The following PHACTR1 variants were observed in gnomAD, a reference collection of about 807,000 sequenced individuals.
PHACTR1 encodes the protein phosphatase and actin regulator 1.
Under a neutral mutation model 69.2 loss-of-function variants are expected in PHACTR1, and 16 were observed. The observed-to-expected ratio is 0.23, with a 90% CI of 0.16 to 0.35. The LOEUF (loss-of-function observed/expected upper bound fraction) is 0.35. Among genes scored for constraint, PHACTR1 ranks in the 10% least tolerant of loss-of-function variants. PHACTR1 has a pLI of 1.00. For synonymous variants in PHACTR1, 312 were observed against 284.5 expected (o/e 1.10, Z -0.97); for missense variants, 510 against 734.7 (o/e 0.69, Z 3.54).
In PHACTR1 at chr6:13,261,493, T is replaced by A. The variant is rs181075138; in HGVS notation, c.1392-11367T>A. Among the ~76,000 whole-genome samples, 599 of 152,210 alleles carry A rather than the reference T, an allele frequency of 3.9e-3. 7 individuals carry two copies. The highest frequency in any genetic ancestry group is 4.3e-3 in the East Asian group (22 of 5,176). On this transcript the variant is annotated intron_variant, in intron 10 of 14. Transcript: ENST00000332995. ...CCTTGTTCAAAAGATAAAAAAATAT[T>A]GAAAAGTTTGAAATGGCAACAGAGC...
intron 7 of PHACTR1, among the ~76,000 whole-genome samples, chr6:13,205,270 G>A (rs911022201): frequency 2.6e-5 from 4 of 152,162 alleles, no homozygotes; most frequent in Non-Finnish European, 4.4e-5. Context: ...TCCTGGGAGA[G>A]CTCGAACTCG....
intron 10 of PHACTR1, 83 bp downstream of exon 10, chr6:13,230,276 G>A (rs1180126680): frequency 6.5e-7 from 1 of 1,546,816 alleles, no homozygotes. Flanking sequence ...TCTCGGCCGG[G>A]CGCAGTAGCT....
At chr6:13,176,330 A>G (rs1460348111) in intron 6 of PHACTR1, among the ~76,000 whole-genome samples, 1 of 152,138 alleles carries the variant, frequency 6.6e-6, no homozygotes, top group Non-Finnish European at 1.5e-5. Context: ...ACTGTCCTCC[A>G]TTCCTGCTTT....
chr6:13,101,770 A>G (rs757138355), intron 5 of PHACTR1, among the ~76,000 whole-genome samples: 4 of 152,180 alleles, frequency 2.6e-5, no homozygotes, highest in Admixed American at 2.6e-4. Flanking sequence ...GATTTCTGAA[A>G]AGACAAAGAG....
chr6:12,720,708 T>C (rs1245767826), intron 3 of PHACTR1, among the ~76,000 whole-genome samples: 1 of 152,256 alleles, frequency 6.6e-6, no homozygotes, highest in African/African-American at 2.4e-5. Flanking sequence ...GGTCAGTGTT[T>C]CAAAACCCCC....
intron 5 of PHACTR1, among the ~76,000 whole-genome samples, chr6:13,081,669 A>G (rs1397334173): frequency 6.6e-6 from 1 of 152,084 alleles, no homozygotes; most frequent in Non-Finnish European, 1.5e-5. Context: ...ACAAAAAAAA[A>G]TTAATTAATT....
At chr6:12,994,053 C>T (rs565217701) in intron 4 of PHACTR1, among the ~76,000 whole-genome samples, 39 of 151,838 alleles carry the variant, frequency 2.6e-4, no homozygotes, top group African/African-American at 9.4e-4. Flanking sequence ...TAAATAGGAG[C>T]CACAGTGAAA....
chr6:12,819,273 G>C (rs1257462977), intron 4 of PHACTR1, among the ~76,000 whole-genome samples: 1 of 152,152 alleles, frequency 6.6e-6, no homozygotes, highest in Non-Finnish European at 1.5e-5. Flanking sequence ...ATTTTGAAAG[G>C]AAAATTCTCT....
chr6:13,207,460 C>G (rs1218663916), intron 8 of PHACTR1, among the ~76,000 whole-genome samples: 1 of 152,188 alleles, frequency 6.6e-6, no homozygotes, highest in Non-Finnish European at 1.5e-5. Flanking sequence ...CCTCCAGTCG[C>G]TCTTCGGGGA....
chr6:13,177,177 A>T (rs1761448163), intron 6 of PHACTR1, among the ~76,000 whole-genome samples: 2 of 57,220 alleles, frequency 3.5e-5, no homozygotes, highest in East Asian at 1.5e-3. Context: ...ATCTCTAAAA[A>T]AAAAAAAAAA....
intron 5 of PHACTR1, among the ~76,000 whole-genome samples, chr6:13,059,519 A>G (rs959531980): frequency 3.3e-5 from 5 of 151,950 alleles, no homozygotes; most frequent in African/African-American, 1.2e-4. Flanking sequence ...ACACAAGGGA[A>G]CTTTTGAAGG....
At chr6:13,105,809 A>C (rs1011268535) in intron 5 of PHACTR1, among the ~76,000 whole-genome samples, 6 of 152,246 alleles carry the variant, frequency 3.9e-5, no homozygotes, top group Non-Finnish European at 8.8e-5. Context: ...GGACTGCAAC[A>C]AGGAGCATAG....
Position 12,739,392 on chromosome 6 carries a change from G to A in PHACTR1, c.104-10252G>A, listed in dbSNP as rs1330413307. Among the ~76,000 whole-genome samples the A allele has an allele frequency of 2.6e-5, 4 of 151,996 alleles. No individual in the cohort carries two copies. In the East Asian group the frequency reaches 7.7e-4, roughly 29 times the overall value. ...GCTGATATGTATAAAGACAGCCCAA[G>A]TCATCAATACATTATTTTAATGGAT... is the stretch of plus-strand genomic sequence containing the variant. On this transcript the variant is annotated intron_variant, in intron 3 of 14. Transcript: ENST00000332995.
intron 4 of PHACTR1, among the ~76,000 whole-genome samples, chr6:12,847,280 CAGATAT>C (rs966051478): frequency 2.5e-4 from 38 of 152,124 alleles, no homozygotes; most frequent in African/African-American, 9.2e-4. Flanking sequence ...TATAAATATA[CAGATAT>C]AGATAGGTAG....
Position 13,223,996 on chromosome 6 carries a change from C to A in PHACTR1, c.987-3820C>A, listed in dbSNP as rs4715169. Reference sequence around the variant, plus strand: ...ATGCCTCCCTGAAAATTAAAAAAAACCCCTTAGTTAATGCCTTTTGAACAT... The same window carrying A: ...ATGCCTCCCTGAAAATTAAAAAAAAACCCTTAGTTAATGCCTTTTGAACAT... On this transcript the variant is annotated intron_variant, in intron 8 of 14. Transcript: ENST00000332995. 4.4e-3 allele frequency among the ~76,000 whole-genome samples: 669 copies of A among 152,002 alleles called. 4 individuals carry two copies. The highest frequency in any genetic ancestry group is 0.013 in the African/African-American group (556 of 41,450).
rs1178908543 is a variant in PHACTR1, at chr6:13,245,804, C to G, written c.1391+15611C>G. The stretch of plus-strand genomic sequence containing the variant: ...AGTTTTAGGTTTTAAGTCTTTTAAT[C>G]TATCTCGAGTTGATTTTTGTATATG... On this transcript the variant is annotated intron_variant, in intron 10 of 14. Coordinates refer to ENST00000332995, the MANE Select transcript of PHACTR1 (RefSeq NM_030948.6). This position sits in a 1 kb window ranked among gnomAD's most constrained non-coding sequence, Gnocchi z 4.1. 1.3e-5 allele frequency among the ~76,000 whole-genome samples: 2 copies of G among 152,114 alleles called. No homozygotes were observed. Among genetic ancestry groups the G allele is most frequent in the Non-Finnish European group, 2.9e-5 (2 of 68,018 alleles).
intron 3 of PHACTR1, among the ~76,000 whole-genome samples, chr6:12,748,645 T>A (rs1766126137): frequency 6.6e-6 from 1 of 152,080 alleles, no homozygotes; most frequent in Non-Finnish European, 1.5e-5. Context: ...GTGCAGGCGT[T>A]CAAAGAAATG....
chr6:12,819,990 A>G (rs1776020306), intron 4 of PHACTR1, among the ~76,000 whole-genome samples: 3 of 152,190 alleles, frequency 2.0e-5, no homozygotes, highest in Non-Finnish European at 4.4e-5. Flanking sequence ...CTCATTTCCT[A>G]GGAAACAACT....
At chr6:13,131,063 A>T (rs1820325128) in intron 5 of PHACTR1, among the ~76,000 whole-genome samples, 1 of 152,164 alleles carries the variant, frequency 6.6e-6, no homozygotes, top group South Asian at 2.1e-4. Context: ...AAATCATGTG[A>T]TCATCTCAAT....
Sources: allele counts gnomAD v4.1 joint callset (sites outside exome capture counted in the v4.1 genomes callset), GRCh38; gene constraint gnomAD v4.1.1; non-coding constraint Gnocchi (gnomAD v3.1); transcripts MANE v1.5; gene names NCBI Gene and HGNC (gene_info 2026-07-23, HGNC 2026-07-21).